VPS8: variants seen among roughly 807,000 people sequenced by gnomAD.
VPS8 encodes the protein vacuolar protein sorting-associated protein 8 homolog.
In VPS8, 129 loss-of-function variants were observed where a neutral mutation model predicts 216.4. The ratio of observed to expected loss-of-function variants is 0.60; its 90% CI spans 0.52 to 0.69. VPS8 has a LOEUF of 0.69. Ranked by LOEUF, VPS8 falls within the 30% of genes least tolerant of loss-of-function variation. The pLI is 0.00. For synonymous variants in VPS8, 571 were observed against 565.4 expected, an observed-to-expected ratio of 1.01 and a Z score of -0.14; for missense variants, 1,531 against 1,683.5, an observed-to-expected ratio of 0.91 and a Z score of 1.59.
At chr3:184,977,013 C>G (rs959362288) in intron 40 of VPS8, among the ~76,000 whole-genome samples, 1 of 152,088 alleles carries the variant, frequency 6.6e-6, no homozygotes, top group African/African-American at 2.4e-5. Context: ...TAGTTCAACT[C>G]TCGGTTCTTT....
chr3:184,927,256 A>T lies in VPS8; in HGVS notation c.2631+606A>T, dbSNP rs554023168. 2.0e-5 allele frequency among the ~76,000 whole-genome samples: 3 copies of T among 152,318 alleles called. No individual in the cohort carries two copies. The South Asian group carries it at 6.2e-4, about 32-fold the overall frequency. Reference sequence around the variant, plus strand: ...AAGAGAGTCAACCCATTTTGTATTGATAGCCAGATTTTGTCAGGTAAGTAA... The same window carrying T: ...AAGAGAGTCAACCCATTTTGTATTGTTAGCCAGATTTTGTCAGGTAAGTAA... On this transcript the variant is annotated intron_variant, in intron 31 of 47. Coordinates refer to ENST00000625842, the MANE Select transcript of VPS8 (RefSeq NM_001009921.3).
At chr3:185,036,867 A>G (rs1311120381) in intron 46 of VPS8, among the ~76,000 whole-genome samples, 12 of 152,024 alleles carry the variant, frequency 7.9e-5, no homozygotes, top group African/African-American at 2.7e-4. Context: ...TCATTTCCTT[A>G]GCTTAGTAAA....
intron 4 of VPS8, among the ~76,000 whole-genome samples, chr3:184,833,062 G>A (rs1720338664): frequency 6.6e-6 from 1 of 152,098 alleles, no homozygotes; most frequent in African/African-American, 2.4e-5. Context: ...GGAAGCAGGA[G>A]AGCCCTTGGA....
Position 184,839,678 on chromosome 3 carries a change from A to C in VPS8, c.481-20A>C. 1 of 1,593,224 alleles carries C rather than the reference A, an allele frequency of 6.3e-7. No individual in the cohort carries two copies. The highest frequency in any genetic ancestry group is 8.6e-7 in the Non-Finnish European group (1 of 1,169,024). ...TCTTAATGTAATGTCTTAAAACGTA[A>C]TCTTCCCTTTTGTTTTCAGGCAGTA... On this transcript the variant is annotated intron_variant, in intron 6 of 47. Coordinates refer to ENST00000625842, the MANE Select transcript of VPS8 (RefSeq NM_001009921.3).
At chr3:184,966,200 T>C (rs1263648071) in intron 38 of VPS8, among the ~76,000 whole-genome samples, 1 of 152,060 alleles carries the variant, frequency 6.6e-6, no homozygotes, top group Non-Finnish European at 1.5e-5. Context: ...AGTGCCATGC[T>C]CTTTTAAACA....
At chr3:184,839,881 C>T (rs943611415) in intron 7 of VPS8, 129 bp downstream of exon 7, 8 of 1,427,374 alleles carry the variant, frequency 5.6e-6, no homozygotes, top group Non-Finnish European at 6.4e-6. Flanking sequence ...TGAAAAGTAG[C>T]AGTCAGTATT....
In VPS8 at chr3:184,959,527, C is replaced by T. The variant is rs141104513; in HGVS notation, c.3183+2006C>T. 6.1e-3 allele frequency among the ~76,000 whole-genome samples: 927 copies of T among 152,184 alleles called. 7 individuals are homozygous for T. Among genetic ancestry groups the T allele is most frequent in the African/African-American group, 0.021 (866 of 41,512 alleles). On this transcript the variant is annotated intron_variant, in intron 37 of 47. Transcript: ENST00000625842. ...ATTGTAATGCTATGAATAGCCACCG[C>T]CCCCCACCACCACCCCAGAAAAAAA...
At chr3:184,865,770 CTGAGGTCAGG>C (rs1727235917) in intron 16 of VPS8, among the ~76,000 whole-genome samples, 1 of 152,024 alleles carries the variant, frequency 6.6e-6, no homozygotes, top group Non-Finnish European at 1.5e-5. Flanking sequence ...GGAGGATCAC[CTGAGGTCAGG>C]AGTTCGAGAC....
chr3:185,012,944 T>A (rs1472789385), intron 45 of VPS8, among the ~76,000 whole-genome samples: 1,622 of 152,232 alleles, frequency 0.011, 32 homozygotes, highest in African/African-American at 0.036. Context: ...TTTCTATAGA[T>A]TATAGATTAG....
At chr3:185,034,201 T>C (rs1254294293) in intron 46 of VPS8, among the ~76,000 whole-genome samples, 1 of 152,242 alleles carries the variant, frequency 6.6e-6, no homozygotes, top group Non-Finnish European at 1.5e-5. Flanking sequence ...CTCATCTGTG[T>C]TACTGCAAAG....
intron 40 of VPS8, among the ~76,000 whole-genome samples, chr3:184,978,921 T>G (rs1749743400): frequency 6.6e-6 from 1 of 152,230 alleles, no homozygotes; most frequent in African/African-American, 2.4e-5. Flanking sequence ...TTCTAACTTT[T>G]CGATGTGGGC....
At chr3:185,048,393 ATGT>A in intron 46 of VPS8, 83 bp from the exon 47 acceptor site, 1 of 1,269,226 alleles carries the variant, frequency 7.9e-7, no homozygotes, top group African/African-American at 1.5e-5. Flanking sequence ...AGGAAGCACC[ATGT>A]TATGCTTCAG....
intron 19 of VPS8, 65 bp from the exon 20 acceptor site, chr3:184,869,417 C>G (rs1455403222): frequency 2.7e-6 from 4 of 1,487,268 alleles, no homozygotes; most frequent in African/African-American, 1.4e-5. Context: ...TGAAACCAGA[C>G]ATAGTTTCAC....
chr3:184,979,787 T>C (rs1749883762), intron 40 of VPS8, among the ~76,000 whole-genome samples: 1 of 152,192 alleles, frequency 6.6e-6, no homozygotes, highest in Non-Finnish European at 1.5e-5. Context: ...GGGCAGCATT[T>C]AGCCTGTTTA....
At chr3:184,827,276 TTTTA>T (rs1719005319) in intron 3 of VPS8, among the ~76,000 whole-genome samples, 1 of 152,244 alleles carries the variant, frequency 6.6e-6, no homozygotes, top group Admixed American at 6.5e-5. Context: ...CTTGTATGGC[TTTTA>T]TTTCTATGTT....
intron 42 of VPS8, among the ~76,000 whole-genome samples, chr3:184,987,850 G>A (rs1012243567): frequency 1.3e-5 from 2 of 152,160 alleles, no homozygotes; most frequent in African/African-American, 4.8e-5. Context: ...TTCCGCCAGC[G>A]CTGAATGAAA....
In VPS8 at chr3:184,915,336, T is replaced by C. The variant is rs543763981; in HGVS notation, c.2263-19T>C. 8.3e-5 allele frequency: 134 copies of C among 1,606,606 alleles called. No individual in the cohort carries two copies. The South Asian group carries it at 1.1e-3, about 13-fold the overall frequency. ...TTGTCAGGTGAGAAAATAATCAACA[T>C]TTTTTTCCCAACTTGCAGGTTTTTG... On this transcript the variant is annotated intron_variant, in intron 27 of 47. Coordinates refer to ENST00000625842, the MANE Select transcript of VPS8 (RefSeq NM_001009921.3).
intron 37 of VPS8, among the ~76,000 whole-genome samples, chr3:184,963,265 A>G (rs972316094): frequency 2.0e-5 from 3 of 152,144 alleles, no homozygotes; most frequent in Non-Finnish European, 4.4e-5. Context: ...GAATTTATAG[A>G]CTAATTCAGA....
intron 45 of VPS8, among the ~76,000 whole-genome samples, chr3:185,006,661 A>T (rs1754291536): frequency 6.6e-6 from 1 of 152,186 alleles, no homozygotes; most frequent in Non-Finnish European, 1.5e-5. Flanking sequence ...AATTTCCTTT[A>T]AAAATCCGTC....
Sources: allele counts gnomAD v4.1 joint callset (sites outside exome capture counted in the v4.1 genomes callset), GRCh38; gene constraint gnomAD v4.1.1; transcripts MANE v1.5; gene names NCBI Gene and HGNC (gene_info 2026-07-23, HGNC 2026-07-21).